Variants in KCNH6 observed in about 807,000 individuals in gnomAD.
KCNH6 encodes potassium voltage-gated channel subfamily H member 6.
In KCNH6, 81 loss-of-function variants were observed where a neutral mutation model predicts 83.4. That is an observed-to-expected ratio of 0.97 (90% CI 0.81 to 1.17). The LOEUF is 1.17. Among genes scored for constraint, KCNH6 ranks in the 50% most tolerant of loss-of-function variants. The probability of loss-of-function intolerance (pLI) is 0.00; values close to 1 mark genes in which losing one functional copy is unlikely to be tolerated. For synonymous variants in KCNH6, 503 were observed against 545.6 expected (o/e 0.92, Z 1.09); for missense variants, 1,203 against 1,290.5 (o/e 0.93, Z 1.04).
chr17:63,542,248 T>TG lies in KCNH6; in HGVS notation c.1963dup (p.Asp655GlyfsTer53). The TG allele has an allele frequency of 1.2e-6, 2 of 1,613,650 alleles. No individual in the cohort carries two copies. Among genetic ancestry groups the TG allele is most frequent in the Middle Eastern group, 3.3e-4 (2 of 6,060 alleles). On this transcript the variant is annotated frameshift_variant, in exon 9 of 13. Coordinates refer to ENST00000314672, the MANE Select transcript of KCNH6 (RefSeq NM_001278919.2). LOFTEE classifies it high-confidence loss of function. ...CACCCCTCTGGCTGGCAGGAAAGAATGACATCTTTGGGGAACCCGTCAGCC... is the reference window on the plus strand; with the variant it reads ...CACCCCTCTGGCTGGCAGGAAAGAATGGACATCTTTGGGGAACCCGTCAGCC...
In KCNH6 at chr17:63,538,224, A is replaced by G. The variant is rs1407971935; in HGVS notation, c.1661A>G (p.Gln554Arg). The G allele has an allele frequency of 6.2e-7, 1 of 1,614,138 alleles. No individual in the cohort carries two copies. Among genetic ancestry groups the G allele is most frequent in the Admixed American group, 1.7e-5 (1 of 60,028 alleles). Residue 554 changes from glutamine to arginine, a missense_variant, in exon 7 of 13, where the codon CAG becomes CGG. Physicochemically the swap from Gln to Arg is conservative, Grantham distance 43. Transcript: ENST00000314672. The surrounding 1 kb of genome is among the most constrained non-coding windows in gnomAD (Gnocchi z 4.0). ...PLRQRLEEYF[Q>R]HAWSYTNGID... ...CGCCAGCGCCTGGAGGAGTATTTCCAGCACGCCTGGTCCTACACCAATGGC... is the reference window on the plus strand; with the variant it reads ...CGCCAGCGCCTGGAGGAGTATTTCCGGCACGCCTGGTCCTACACCAATGGC...
rs1025141057 is a variant in KCNH6 at position 63,524,515 on chromosome 17, A to G, written c.307+146A>G. ...CTTCTAGGGGCCTTGGTTCCTCCAC[A>G]GGCATTGGATATGATGCCTTCTGAG... On this transcript the variant is annotated intron_variant, in intron 2 of 12. Coordinates refer to ENST00000314672, the MANE Select transcript of KCNH6 (RefSeq NM_001278919.2). 1.5e-5 allele frequency: 10 copies of G among 656,918 alleles called. No individual in the cohort carries two copies. In the African/African-American group the frequency reaches 1.6e-4, roughly 11 times the overall value. The allele number at this position is 656,918 out of a possible 1,614,324, so 40.7% of individuals were successfully genotyped here.
In KCNH6 at chr17:63,544,265, G is replaced by C. The variant is rs1249816256; in HGVS notation, c.2250G>C (p.Leu750=). 1.9e-6 allele frequency: 3 copies of C among 1,590,168 alleles called. No homozygotes were observed. In the African/African-American group the frequency reaches 4.0e-5, roughly 21 times the overall value. Residue 750 remains leucine, a synonymous_variant, in exon 11 of 13, where the codon CTG becomes CTC. Coordinates refer to ENST00000314672, the MANE Select transcript of KCNH6 (RefSeq NM_001278919.2). ...CTCCTGCAGATGCAGCCCCTCCCCT[G>C]AGCATCTCAGATGCATCTGGCCTCT... ...SDNQSDAAPP[L]SISDASGLWP... is the part of the protein sequence containing the mutation.
chr17:63,527,033 C>G (rs970106568), intron 2 of KCNH6, among the ~76,000 whole-genome samples: 3 of 152,148 alleles, frequency 2.0e-5, no homozygotes, highest in Non-Finnish European at 4.4e-5. Context: ...CAGATCCCCC[C>G]ACTGTCACCC....
At chr17:63,532,242 G>C (rs2032169778) in intron 4 of KCNH6, among the ~76,000 whole-genome samples, 1 of 152,216 alleles carries the variant, frequency 6.6e-6, no homozygotes, top group African/African-American at 2.4e-5. Context: ...GCCTAGGGAA[G>C]GGCCTTGTTT....
At position 63,544,339 on chromosome 17, in the gene KCNH6, C is replaced by T. The variant is rs1362937832; in HGVS notation, c.2324C>T (p.Pro775Leu). The T allele has an allele frequency of 6.2e-7, 1 of 1,612,178 alleles. No individual in the cohort carries two copies. The highest frequency in any genetic ancestry group is 1.3e-5 in the African/African-American group (1 of 74,882). ...CCCCCAAGGCACAGCCCCCAAAGCC[C>T]TCAGGAAGACCCAGATTGCTGGCCT... ...EMPPRHSPQS[P>L]QEDPDCWPLK... The change falls in exon 11 of 13, where the codon CCT (proline) becomes CTT (leucine). Residue 775 changes from proline to leucine, a missense_variant. Physicochemically the swap from Pro to Leu is moderately conservative, Grantham distance 98. Coordinates refer to ENST00000314672, the MANE Select transcript of KCNH6 (RefSeq NM_001278919.2).
In KCNH6 at chr17:63,538,386, T is replaced by C. The variant is rs758354314; in HGVS notation, c.1702-24T>C. On this transcript the variant is annotated intron_variant, in intron 7 of 12. Transcript: ENST00000314672. The surrounding 1 kb of genome is among the most constrained non-coding windows in gnomAD (Gnocchi z 4.0). Reference sequence around the variant, plus strand: ...CAGCCCCACCCCGGCCGCGTCCCGCTGGACTTGGCCGCCCGCCTTGCAGGT... The same window carrying C: ...CAGCCCCACCCCGGCCGCGTCCCGCCGGACTTGGCCGCCCGCCTTGCAGGT... The C allele has an allele frequency of 1.3e-6, 2 of 1,589,630 alleles. No homozygotes were observed. The highest frequency in any genetic ancestry group is 1.3e-5 in the African/African-American group (1 of 74,350).
intron 4 of KCNH6, among the ~76,000 whole-genome samples, chr17:63,531,329 T>G (rs2032094376): frequency 6.6e-6 from 1 of 152,238 alleles, no homozygotes; most frequent in Admixed American, 6.5e-5. Flanking sequence ...CCTCAGGGCT[T>G]TCATCTGCAG....
In KCNH6 at chr17:63,533,179, T is replaced by C. The variant is rs1236652877; in HGVS notation, c.676-707T>C. Among the ~76,000 whole-genome samples, 1 of 149,850 alleles carries C rather than the reference T, an allele frequency of 6.7e-6. No homozygotes were observed. Among genetic ancestry groups the C allele is most frequent in the East Asian group, 2.0e-4 (1 of 5,056 alleles). ...GTGCTGGGACCTAGAGATCCTGGGTTGATCACAGTCTTGGAGGCGGGGGCG... is the reference window on the plus strand; with the variant it reads ...GTGCTGGGACCTAGAGATCCTGGGTCGATCACAGTCTTGGAGGCGGGGGCG... On this transcript the variant is annotated intron_variant, in intron 4 of 12. Transcript: ENST00000314672. This position sits in a 1 kb window ranked among gnomAD's most constrained non-coding sequence, Gnocchi z 4.1.
At chr17:63,525,677 G>T (rs1367993735) in intron 2 of KCNH6, among the ~76,000 whole-genome samples, 1 of 152,146 alleles carries the variant, frequency 6.6e-6, no homozygotes, top group Admixed American at 6.5e-5. Context: ...TCTCGGGTAG[G>T]TCCTGGTTGT....
At chr17:63,530,690 C>T (rs2032047895) in intron 4 of KCNH6, 148 bp downstream of exon 4, 1 of 709,622 alleles carries the variant, frequency 1.4e-6, no homozygotes, top group Non-Finnish European at 2.3e-6. Flanking sequence ...CCCCGGGCCT[C>T]CTGTCCTGTT....
rs950915882 is a variant in KCNH6 at position 63,534,878 on chromosome 17, T to C, written c.1101+567T>C. Among the ~76,000 whole-genome samples, 1 of 151,760 alleles carries C rather than the reference T, an allele frequency of 6.6e-6. No homozygotes were observed. The highest frequency in any genetic ancestry group is 1.5e-5 in the Non-Finnish European group (1 of 67,928). ...TCACCCCAGCCTGTCCAGCAGGGGG[T>C]GTCCAGCAGGGCTCCTCTGCTCCAA... is the stretch of plus-strand genomic sequence containing the variant. On this transcript the variant is annotated intron_variant, in intron 5 of 12. Transcript: ENST00000314672. The surrounding 1 kb of genome is among the most constrained non-coding windows in gnomAD (Gnocchi z 5.0).
In KCNH6 at chr17:63,534,493, C is replaced by G. The variant is rs1258006507; in HGVS notation, c.1101+182C>G. Among the ~76,000 whole-genome samples the G allele has an allele frequency of 6.6e-6, 1 of 152,148 alleles. No individual in the cohort carries two copies. The highest frequency in any genetic ancestry group is 2.4e-5 in the African/African-American group (1 of 41,424). On this transcript the variant is annotated intron_variant, in intron 5 of 12. Coordinates refer to ENST00000314672, the MANE Select transcript of KCNH6 (RefSeq NM_001278919.2). This position sits in a 1 kb window ranked among gnomAD's most constrained non-coding sequence, Gnocchi z 5.0. ...CCTCCCAGCCCTGGAGAAGGACCTGCCAAGGCTGCACCCCCAGGCCTCTGT... is the reference window on the plus strand; with the variant it reads ...CCTCCCAGCCCTGGAGAAGGACCTGGCAAGGCTGCACCCCCAGGCCTCTGT...
Position 63,545,827 on chromosome 17 carries a change from T to C in KCNH6, c.2802T>C (p.Leu934=), listed in dbSNP as rs1205710420. 5.6e-6 allele frequency: 9 copies of C among 1,614,136 alleles called. No individual in the cohort carries two copies. Among genetic ancestry groups the C allele is most frequent in the East Asian group, 4.5e-5 (2 of 44,872 alleles). The change falls in exon 13 of 13, where the codon CTT becomes CTC. Residue 934 remains leucine (L), a synonymous_variant. Transcript: ENST00000314672. The part of the protein sequence containing the change: ...GPCFSSLPEH[L]GSVPKQLDFQ... ...GCTTCTCCTCCCTCCCTGAACACCT[T>C]GGCTCTGTTCCCAAGCAGCTGGACT... is the stretch of plus-strand genomic sequence containing the variant.
chr17:63,538,805 A>C lies in KCNH6; in HGVS notation c.1954+143A>C. ...CACTTGCACAGCATGTGCCCGGGAG[A>C]GCTTTAGACCCAGCTGGCTGAATCC... is the stretch of plus-strand genomic sequence containing the variant. On this transcript the variant is annotated intron_variant, in intron 8 of 12. Coordinates refer to ENST00000314672, the MANE Select transcript of KCNH6 (RefSeq NM_001278919.2). The surrounding 1 kb of genome is among the most constrained non-coding windows in gnomAD (Gnocchi z 4.0). 1.2e-6 allele frequency: 1 copy of C among 847,440 alleles called. No homozygotes were observed. The highest frequency in any genetic ancestry group is 1.8e-6 in the Non-Finnish European group (1 of 567,560). 52.5% of individuals were successfully genotyped at this position (847,440 alleles called of 1,614,324 possible).
At position 63,533,763 on chromosome 17, in the gene KCNH6, T is replaced by A; in HGVS notation, c.676-123T>A. ...CACCCCATCTCTCCCTCATCCCCTC[T>A]GCCCACCAGAGCCGTGGTCACCCAC... On this transcript the variant is annotated intron_variant, in intron 4 of 12. Coordinates refer to ENST00000314672, the MANE Select transcript of KCNH6 (RefSeq NM_001278919.2). This position sits in a 1 kb window ranked among gnomAD's most constrained non-coding sequence, Gnocchi z 4.1. 4 of 769,080 alleles carry A rather than the reference T, an allele frequency of 5.2e-6. No individual in the cohort carries two copies. Among genetic ancestry groups the A allele is most frequent in the Non-Finnish European group, 8.4e-6 (4 of 475,802 alleles). 47.6% of individuals were successfully genotyped at this position (769,080 alleles called of 1,614,324 possible). A position where few individuals can be genotyped will look rare whatever the true frequency, so the allele number is the denominator to read the frequency against.
rs1185920354 is a variant in KCNH6 at position 63,534,263 on chromosome 17, G to A, written c.1053G>A (p.Val351=). 1.9e-6 allele frequency: 3 copies of A among 1,614,126 alleles called. No homozygotes were observed. The highest frequency in any genetic ancestry group is 2.5e-6 in the Non-Finnish European group (3 of 1,180,006). Residue 351 remains valine, a synonymous_variant, in exon 5 of 13, where the codon GTG becomes GTA. Coordinates refer to ENST00000314672, the MANE Select transcript of KCNH6 (RefSeq NM_001278919.2). This position sits in a 1 kb window ranked among gnomAD's most constrained non-coding sequence, Gnocchi z 5.0. ...YFKGWFLIDM[V]AAIPFDLLIF... is the part of the protein sequence containing the mutation. ...AGGGCTGGTTCCTCATTGACATGGTGGCCGCCATCCCTTTCGACCTCCTGA... is the reference window on the plus strand; with the variant it reads ...AGGGCTGGTTCCTCATTGACATGGTAGCCGCCATCCCTTTCGACCTCCTGA...
chr17:63,545,975 C>T lies in KCNH6; in HGVS notation c.*73C>T, dbSNP rs541293530. On this transcript the variant is annotated 3_prime_UTR_variant, in exon 13 of 13. Coordinates refer to ENST00000314672, the MANE Select transcript of KCNH6 (RefSeq NM_001278919.2). The stretch of plus-strand genomic sequence containing the variant: ...GAGTTAAGGATCTTGGGGAGGTGGC[C>T]GGGTGCAGTGGCTCGCCTGTAATCC... The T allele has an allele frequency of 3.4e-5, 49 of 1,453,388 alleles. No homozygotes were observed. The highest frequency in any genetic ancestry group is 2.5e-4 in the South Asian group (20 of 80,476). The allele number at this position is 1,453,388 out of a possible 1,614,324, so 90.0% of individuals were successfully genotyped here. A position where few individuals can be genotyped will look rare whatever the true frequency, so the allele number is the denominator to read the frequency against.
Position 63,535,675 on chromosome 17 carries a change from AC to A in KCNH6, c.1111del (p.Leu371Ter). On this transcript the variant is annotated frameshift_variant, in exon 6 of 13. Transcript: ENST00000314672. LOFTEE classifies it high-confidence loss of function. This position sits in a 1 kb window ranked among gnomAD's most constrained non-coding sequence, Gnocchi z 4.9. The part of the protein sequence containing the change: ...IFRTGSDETT[T>X]LIGLLKTARL... ...CATTTCCCTACCCCTCCAGACCACAACCCTGATTGGGCTATTGAAGACAGCG... is the reference window on the plus strand; with the variant it reads ...CATTTCCCTACCCCTCCAGACCACAACCTGATTGGGCTATTGAAGACAGCG... 6.2e-7 allele frequency: 1 copy of A among 1,602,914 alleles called. No individual in the cohort carries two copies. The highest frequency in any genetic ancestry group is 8.5e-7 in the Non-Finnish European group (1 of 1,172,698).
Sources: allele counts gnomAD v4.1 joint callset (sites outside exome capture counted in the v4.1 genomes callset), GRCh38; gene constraint gnomAD v4.1.1; non-coding constraint Gnocchi (gnomAD v3.1); transcripts MANE v1.5; gene names NCBI Gene and HGNC (gene_info 2026-07-23, HGNC 2026-07-21).